The following NXPH2 variants were observed in gnomAD, a reference collection of about 807,000 sequenced individuals.
NXPH2 encodes the protein neurexophilin 2, also known as neurexophilin-2.
A neutral mutation model predicts 19.8 loss-of-function variants in NXPH2; 5 were observed. That is an observed-to-expected ratio of 0.25 (90% CI 0.13 to 0.53). The LOEUF (loss-of-function observed/expected upper bound fraction) is 0.53. Among genes scored for constraint, NXPH2 ranks in the 20% least tolerant of loss-of-function variants. NXPH2 has a pLI of 0.96. For synonymous variants in NXPH2, 154 were observed against 127.4 expected, an observed-to-expected ratio of 1.21 and a Z score of -1.41; for missense variants, 289 against 322.8, an observed-to-expected ratio of 0.90 and a Z score of 0.80.
rs113890447 is a variant in NXPH2 at position 138,671,739 on chromosome 2, G to A, written c.52-74C>T. 11 of 1,407,384 alleles carry A rather than the reference G, an allele frequency of 7.8e-6. No homozygotes were observed. In the East Asian group the frequency reaches 1.7e-4, roughly 21 times the overall value. The allele number at this position is 1,407,384 out of a possible 1,614,324, so 87.2% of individuals were successfully genotyped here. A position where few individuals can be genotyped will look rare whatever the true frequency, so the allele number is the denominator to read the frequency against. ...TGCGCACTCAAACTGAAGTCAAAGCGCAAGGGAAATTATTTCAACATTGTT... is the reference window on the plus strand; with the variant it reads ...TGCGCACTCAAACTGAAGTCAAAGCACAAGGGAAATTATTTCAACATTGTT... On this transcript the variant is annotated intron_variant, in intron 1 of 1. Coordinates refer to ENST00000272641, the MANE Select transcript of NXPH2 (RefSeq NM_007226.3).
intron 1 of NXPH2, among the ~76,000 whole-genome samples, chr2:138,767,611 G>A (rs777721995): frequency 6.6e-6 from 1 of 151,746 alleles, no homozygotes; most frequent in Non-Finnish European, 1.5e-5. Context: ...TTTGACTATT[G>A]ATTCAATATC....
At chr2:138,709,786 C>G in intron 1 of NXPH2, among the ~76,000 whole-genome samples, 1 of 152,180 alleles carries the variant, frequency 6.6e-6, no homozygotes, top group East Asian at 1.9e-4. Context: ...AGATCAGTGT[C>G]TTAGTATTTC....
chr2:138,709,468 C>T (rs1681064785), intron 1 of NXPH2, among the ~76,000 whole-genome samples: 1 of 151,842 alleles, frequency 6.6e-6, no homozygotes, highest in East Asian at 1.9e-4. Context: ...ACAGCTGCCC[C>T]ATTACCACCT....
chr2:138,716,238 C>T (rs1681193494), intron 1 of NXPH2, among the ~76,000 whole-genome samples: 1 of 152,066 alleles, frequency 6.6e-6, no homozygotes, highest in Admixed American at 6.6e-5. Flanking sequence ...TTTCTTGAAA[C>T]CATGATGTTA....
chr2:138,735,877 G>A (rs1213098798), intron 1 of NXPH2, among the ~76,000 whole-genome samples: 3 of 152,310 alleles, frequency 2.0e-5, no homozygotes, highest in South Asian at 2.1e-4. Context: ...TGACCAAAAC[G>A]AAGGGGCTAC....
intron 1 of NXPH2, among the ~76,000 whole-genome samples, chr2:138,676,510 G>A (rs1680486370): frequency 6.6e-6 from 1 of 152,140 alleles, no homozygotes; most frequent in Admixed American, 6.5e-5. Flanking sequence ...TAGGGAAGCA[G>A]CCTGATATGA....
In NXPH2 at chr2:138,670,204, C is replaced by G. The variant is rs1007794705; in HGVS notation, c.*718G>C. Among the ~76,000 whole-genome samples, 2 of 152,126 alleles carry G rather than the reference C, an allele frequency of 1.3e-5. No homozygotes were observed. The highest frequency in any genetic ancestry group is 1.9e-4 in the East Asian group (1 of 5,194). Reference sequence around the variant, plus strand: ...CTAAAAACATCATGATTTTTGTTATCGTTCAACAAACTTATTCTCAGATTT... The same window carrying G: ...CTAAAAACATCATGATTTTTGTTATGGTTCAACAAACTTATTCTCAGATTT... On this transcript the variant is annotated 3_prime_UTR_variant, in exon 2 of 2. Coordinates refer to ENST00000272641, the MANE Select transcript of NXPH2 (RefSeq NM_007226.3).
chr2:138,734,915 T>C (rs530437597), intron 1 of NXPH2, among the ~76,000 whole-genome samples: 6 of 152,254 alleles, frequency 3.9e-5, no homozygotes, highest in Admixed American at 6.5e-5. Context: ...AATGAGGAGA[T>C]ACAAATCAGA....
chr2:138,745,497 G>GAA (rs200324522), intron 1 of NXPH2, among the ~76,000 whole-genome samples: 3 of 98,440 alleles, frequency 3.0e-5, no homozygotes, highest in Non-Finnish European at 7.6e-5. Context: ...TTTTGGCGGG[G>GAA]GGGGGGGGGT....
intron 1 of NXPH2, among the ~76,000 whole-genome samples, chr2:138,733,091 T>C (rs1489166901): frequency 1.3e-5 from 2 of 152,226 alleles, no homozygotes; most frequent in Non-Finnish European, 2.9e-5. Context: ...TTGAGAAAAG[T>C]GAACTTACTG....
At chr2:138,779,941 T>A (rs1432321510) in intron 1 of NXPH2, among the ~76,000 whole-genome samples, 2 of 152,162 alleles carry the variant, frequency 1.3e-5, no homozygotes, top group East Asian at 3.9e-4. Context: ...GGCCACCTTC[T>A]GCCTACTTTA....
intron 1 of NXPH2, among the ~76,000 whole-genome samples, chr2:138,699,332 G>T (rs1050099241): frequency 6.6e-6 from 1 of 152,116 alleles, no homozygotes; most frequent in Non-Finnish European, 1.5e-5. Context: ...AAAGAGGAAG[G>T]CTTTTTTCCT....
At chr2:138,691,603 T>G (rs1429859586) in intron 1 of NXPH2, among the ~76,000 whole-genome samples, 1 of 152,174 alleles carries the variant, frequency 6.6e-6, no homozygotes, top group East Asian at 1.9e-4. Flanking sequence ...TATTCCTCAC[T>G]ATTGGGAGAA....
chr2:138,768,901 C>G (rs567189214), intron 1 of NXPH2, among the ~76,000 whole-genome samples: 1 of 152,256 alleles, frequency 6.6e-6, no homozygotes, highest in East Asian at 1.9e-4. Flanking sequence ...GTCCAAGATG[C>G]CAGAGGAAGT....
chr2:138,721,502 T>C (rs927047913), intron 1 of NXPH2, among the ~76,000 whole-genome samples: 3 of 152,042 alleles, frequency 2.0e-5, no homozygotes, highest in Non-Finnish European at 4.4e-5. Context: ...ATAAGATTCA[T>C]GTTTTATAAA....
At chr2:138,766,598 T>C (rs1682096992) in intron 1 of NXPH2, among the ~76,000 whole-genome samples, 1 of 152,170 alleles carries the variant, frequency 6.6e-6, no homozygotes, top group South Asian at 2.1e-4. Flanking sequence ...CCCTACAGCA[T>C]GATCCAGCAG....
At chr2:138,689,254 G>A (rs2104974640) in intron 1 of NXPH2, among the ~76,000 whole-genome samples, 1 of 152,326 alleles carries the variant, frequency 6.6e-6, no homozygotes, top group Non-Finnish European at 1.5e-5. Flanking sequence ...AAAGTGAGAA[G>A]CTGCAAACCA....
chr2:138,724,770 G>T (rs981466515), intron 1 of NXPH2, among the ~76,000 whole-genome samples: 4 of 152,186 alleles, frequency 2.6e-5, no homozygotes, highest in Non-Finnish European at 5.9e-5. Context: ...AGTAGCTCAA[G>T]AAGATAAATG....
intron 1 of NXPH2, among the ~76,000 whole-genome samples, chr2:138,731,744 C>A (rs1681456094): frequency 6.6e-6 from 1 of 151,952 alleles, no homozygotes; most frequent in Non-Finnish European, 1.5e-5. Flanking sequence ...GACCCAAGAT[C>A]AGCATTCATT....
Sources: gnomAD v4.1 joint callset for allele counts (sites outside exome capture counted in the v4.1 genomes callset) on GRCh38, gnomAD v4.1.1 for gene constraint, MANE v1.5 for transcripts, NCBI Gene and HGNC (gene_info 2026-07-23, HGNC 2026-07-21) for gene names.